EPC2: variants seen among roughly 807,000 people sequenced by gnomAD.
The protein encoded by EPC2 is enhancer of polycomb 2.
In EPC2, 14 loss-of-function variants were observed where a neutral mutation model predicts 92.1. The ratio of observed to expected loss-of-function variants is 0.15; its 90% confidence interval spans 0.10 to 0.24. The LOEUF (loss-of-function observed/expected upper bound fraction) is 0.24, where lower values mean the gene tolerates loss of function less well. Ranked by LOEUF, EPC2 falls within the 10% of genes least tolerant of loss-of-function variation. The probability of loss-of-function intolerance (pLI) is 1.00; values close to 1 mark genes in which losing one functional copy is unlikely to be tolerated. For missense variants in EPC2, 755 were observed against 971.5 expected, an observed-to-expected ratio of 0.78 and a Z score of 2.96; for synonymous variants, 340 against 334.7, an observed-to-expected ratio of 1.02 and a Z score of -0.17.
intron 2 of EPC2, among the ~76,000 whole-genome samples, chr2:148,716,226 C>A (rs762820373): frequency 3.3e-4 from 50 of 152,126 alleles, no homozygotes; most frequent in Non-Finnish European, 6.0e-4. Context: ...ATTTCCCTTG[C>A]CTGATTGCCC....
At chr2:148,663,853 C>T (rs1681003914) in intron 1 of EPC2, among the ~76,000 whole-genome samples, 1 of 152,090 alleles carries the variant, frequency 6.6e-6, no homozygotes, top group Non-Finnish European at 1.5e-5. Context: ...GTGCAGTTCA[C>T]AATAGGGTTC....
chr2:148,730,136 G>T (rs1356309521), intron 2 of EPC2, among the ~76,000 whole-genome samples: 2 of 152,168 alleles, frequency 1.3e-5, no homozygotes, highest in Non-Finnish European at 2.9e-5. Context: ...GGTGGGAGTT[G>T]TGCATATGAT....
At chr2:148,767,055 A>G (rs1683423404) in intron 7 of EPC2, among the ~76,000 whole-genome samples, 1 of 152,070 alleles carries the variant, frequency 6.6e-6, no homozygotes, top group Admixed American at 6.5e-5. Flanking sequence ...AAAATTAGCC[A>G]GGCGTGGTGA....
At chr2:148,716,322 C>T (rs1014502338) in intron 2 of EPC2, among the ~76,000 whole-genome samples, 2 of 152,120 alleles carry the variant, frequency 1.3e-5, no homozygotes, top group African/African-American at 2.4e-5. Flanking sequence ...AAGGGGAATG[C>T]TTCCAGCTTT....
chr2:148,683,471 T>C (rs1184944372), intron 1 of EPC2, among the ~76,000 whole-genome samples: 1 of 152,102 alleles, frequency 6.6e-6, no homozygotes, highest in Admixed American at 6.5e-5. Context: ...TTTCACCATG[T>C]TAGCCAGGAT....
At chr2:148,671,827 G>C (rs1681160826) in intron 1 of EPC2, among the ~76,000 whole-genome samples, 1 of 151,640 alleles carries the variant, frequency 6.6e-6, no homozygotes, top group African/African-American at 2.4e-5. Context: ...ATTTTTAGTT[G>C]CATTATTTTC....
intron 3 of EPC2, among the ~76,000 whole-genome samples, chr2:148,745,049 AC>A (rs756880497): frequency 2.7e-5 from 4 of 147,154 alleles, no homozygotes; most frequent in Non-Finnish European, 6.0e-5. Context: ...TCAAAGAAAT[AC>A]ATTTTGAAAA....
intron 1 of EPC2, among the ~76,000 whole-genome samples, chr2:148,655,126 A>G (rs1033422060): frequency 3.9e-5 from 6 of 152,204 alleles, no homozygotes; most frequent in South Asian, 2.1e-4. Context: ...TTAGCATTCA[A>G]TTTGTAGTTG....
intron 1 of EPC2, among the ~76,000 whole-genome samples, chr2:148,661,526 A>G (rs1299908818): frequency 3.3e-5 from 5 of 152,194 alleles, no homozygotes; most frequent in Non-Finnish European, 5.9e-5. Context: ...TGTGTTTGCA[A>G]ATACTTCCAA....
chr2:148,726,768 T>TG (rs1166098076), intron 2 of EPC2, among the ~76,000 whole-genome samples: 1 of 149,978 alleles, frequency 6.7e-6, no homozygotes, highest in Non-Finnish European at 1.5e-5. Context: ...GTTTTTTGTT[T>TG]TTTTTTTTTT....
At chr2:148,678,719 C>T (rs1291824357) in intron 1 of EPC2, among the ~76,000 whole-genome samples, 2 of 152,272 alleles carry the variant, frequency 1.3e-5, no homozygotes, top group African/African-American at 4.8e-5. Flanking sequence ...CCTGGAACTC[C>T]AGCTGGCCCG....
At chr2:148,711,844 C>G (rs898472173) in intron 2 of EPC2, among the ~76,000 whole-genome samples, 2 of 152,108 alleles carry the variant, frequency 1.3e-5, no homozygotes, top group Non-Finnish European at 2.9e-5. Flanking sequence ...CCTCTTCATC[C>G]CTAATAATTT....
intron 2 of EPC2, among the ~76,000 whole-genome samples, chr2:148,735,487 ACT>A (rs1384458666): frequency 3.3e-5 from 5 of 151,616 alleles, no homozygotes; most frequent in African/African-American, 1.2e-4. Context: ...TTTTAAAGAG[ACT>A]CTTTATATAT....
chr2:148,778,483 A>G lies in EPC2; in HGVS notation c.1721-3161A>G, dbSNP rs1003748305. ...TGTATTTCAGTAACTTATGAAAGAAAAAATAACTAGTAGAGAAAGTGCTTT... is the reference window on the plus strand; with the variant it reads ...TGTATTTCAGTAACTTATGAAAGAAGAAATAACTAGTAGAGAAAGTGCTTT... On this transcript the variant is annotated intron_variant, in intron 10 of 13. Transcript: ENST00000258484. Among the ~76,000 whole-genome samples, 6 of 152,336 alleles carry G rather than the reference A, an allele frequency of 3.9e-5. No homozygotes were observed. In the East Asian group the frequency reaches 1.2e-3, roughly 29 times the overall value.
chr2:148,700,085 T>C (rs1261191665), intron 2 of EPC2, among the ~76,000 whole-genome samples: 1 of 152,184 alleles, frequency 6.6e-6, no homozygotes, highest in African/African-American at 2.4e-5. Flanking sequence ...GCTTGTTTTA[T>C]TGTTGAGTTT....
intron 2 of EPC2, among the ~76,000 whole-genome samples, chr2:148,709,272 G>A (rs1314747562): frequency 6.6e-6 from 1 of 152,070 alleles, no homozygotes; most frequent in East Asian, 1.9e-4. Flanking sequence ...AAATACTTAG[G>A]AATCCAACTT....
At chr2:148,706,700 C>T (rs1223510149) in intron 2 of EPC2, among the ~76,000 whole-genome samples, 1 of 152,190 alleles carries the variant, frequency 6.6e-6, no homozygotes. Context: ...ATTCAACATT[C>T]TTAAAGAACA....
chr2:148,736,810 A>T (rs1227195793), intron 2 of EPC2, among the ~76,000 whole-genome samples: 1 of 152,082 alleles, frequency 6.6e-6, no homozygotes, highest in Non-Finnish European at 1.5e-5. Context: ...TTACCAAAAA[A>T]GTTTCAGGGC....
intron 2 of EPC2, among the ~76,000 whole-genome samples, chr2:148,736,936 CAA>C (rs34800134): frequency 2.5e-4 from 29 of 114,548 alleles, no homozygotes; most frequent in Non-Finnish European, 2.1e-4. Flanking sequence ...CCCATTTCTA[CAA>C]AAAAAAAAAA....
Sources: allele counts gnomAD v4.1 joint callset (sites outside exome capture counted in the v4.1 genomes callset), GRCh38; gene constraint gnomAD v4.1.1; transcripts MANE v1.5; gene names NCBI Gene and HGNC (gene_info 2026-07-23, HGNC 2026-07-21).